ZBTB10: variants seen among roughly 807,000 people sequenced by gnomAD.
ZBTB10 encodes the protein zinc finger and BTB domain containing 10, also known as zinc finger and BTB domain-containing protein 10.
Under a neutral mutation model 76.4 loss-of-function variants are expected in ZBTB10, and 32 were observed. The observed-to-expected ratio is 0.42, with a 90% CI of 0.32 to 0.56. The LOEUF (loss-of-function observed/expected upper bound fraction) is 0.56, where lower values mean the gene tolerates loss of function less well. ZBTB10 is among the 20% of genes least tolerant of loss of function. The pLI is 0.14. For missense variants in ZBTB10, 1,057 were observed against 1,098.5 expected (o/e 0.96, Z 0.53); for synonymous variants, 523 against 432.9 (o/e 1.21, Z -2.58).
rs1335800021 is a variant in ZBTB10, at chr8:80,523,018, A to AT, written c.*3492dup. On this transcript the variant is annotated 3_prime_UTR_variant, in exon 6 of 6. Transcript: ENST00000455036. ...TTTAGATTCATTTTTCTGAAAAACG[A>AT]TTAAAAAAACTACCAATTTTTTTTT... The AT allele has an allele frequency of 4.0e-5, 6 of 151,894 alleles. No homozygotes were observed. The South Asian group carries it at 1.0e-3, about 26-fold the overall frequency. 9.4% of individuals were successfully genotyped at this position (151,894 alleles called of 1,614,324 possible). A position where few individuals can be genotyped will look rare whatever the true frequency, so the allele number is the denominator to read the frequency against.
In ZBTB10 at chr8:80,526,259, A is replaced by T. The variant is rs1210417648; in HGVS notation, c.*6731A>T. Reference sequence around the variant, plus strand: ...AATAATACATCAATAAAGGTATTTTAAAATGACCTAATGTTTTAGTTGCCA... The same window carrying T: ...AATAATACATCAATAAAGGTATTTTTAAATGACCTAATGTTTTAGTTGCCA... On this transcript the variant is annotated 3_prime_UTR_variant, in exon 6 of 6. Coordinates refer to ENST00000455036, the MANE Select transcript of ZBTB10 (RefSeq NM_001105539.3). 2 of 152,332 alleles carry T rather than the reference A, an allele frequency of 1.3e-5. No homozygotes were observed. Among genetic ancestry groups the T allele is most frequent in the East Asian group, 1.9e-4 (1 of 5,186 alleles). 9.4% of individuals were successfully genotyped at this position (152,332 alleles called of 1,614,324 possible). A position where few individuals can be genotyped will look rare whatever the true frequency, so the allele number is the denominator to read the frequency against.
intron 2 of ZBTB10, among the ~76,000 whole-genome samples, chr8:80,500,919 C>G (rs1013666512): frequency 2.6e-5 from 4 of 152,182 alleles, no homozygotes; most frequent in African/African-American, 9.7e-5. Context: ...GAGTCTCACT[C>G]TATAGCCCAG....
chr8:80,491,371 C>T (rs1391087078), intron 1 of ZBTB10, among the ~76,000 whole-genome samples: 1 of 152,164 alleles, frequency 6.6e-6, no homozygotes, highest in Non-Finnish European at 1.5e-5. Flanking sequence ...TTTGTGTACG[C>T]TAAGGCACAG....
rs929053660 is a variant in ZBTB10 at position 80,525,933 on chromosome 8, G to A, written c.*6405G>A. ...AGCATATGATACGTGGTGTCACACT[G>A]AGCCTTTGGGATCCTTTCCCTGGAT... On this transcript the variant is annotated 3_prime_UTR_variant, in exon 6 of 6. Transcript: ENST00000455036. 2 of 152,142 alleles carry A rather than the reference G, an allele frequency of 1.3e-5. No individual in the cohort carries two copies. The highest frequency in any genetic ancestry group is 4.8e-5 in the African/African-American group (2 of 41,438). 9.4% of individuals were successfully genotyped at this position (152,142 alleles called of 1,614,324 possible).
intron 1 of ZBTB10, among the ~76,000 whole-genome samples, chr8:80,491,396 C>T (rs1815627168): frequency 6.6e-6 from 1 of 152,194 alleles, no homozygotes; most frequent in Non-Finnish European, 1.5e-5. Flanking sequence ...AAAATCGATG[C>T]ATCTCTCAGA....
rs534777566 is a variant in ZBTB10, at chr8:80,486,843, G to A, written c.33G>A (p.Leu11=). ...TCAGTGAAATGAACCGCAGGACGCT[G>A]GCGTTCCGAGGAGGCGGGTTGGTCA... MSFSEMNRRT[L]AFRGGGLVTA... is the part of the protein sequence containing the mutation. The change falls in exon 1 of 6, where the codon CTG becomes CTA. Residue 11 remains leucine, a synonymous_variant. Transcript: ENST00000455036. 4.6e-6 allele frequency: 7 copies of A among 1,505,430 alleles called. No individual in the cohort carries two copies. The highest frequency in any genetic ancestry group is 4.4e-5 in the Admixed American group (2 of 45,294). 93.3% of individuals were successfully genotyped at this position (1,505,430 alleles called of 1,614,324 possible). A position where few individuals can be genotyped will look rare whatever the true frequency, so the allele number is the denominator to read the frequency against.
At position 80,487,755 on chromosome 8, in the gene ZBTB10, G is replaced by A. The variant is rs757924369; in HGVS notation, c.945G>A (p.Glu315=). ...TCCTGAGGCACCACGTCTCTACCGA[G>A]CACAAACTCCACGAAGCCAACGCCC... The part of the protein sequence containing the change: ...TLLLRHHVST[E]HKLHEANAQE... Residue 315 remains glutamate, a synonymous_variant, in exon 1 of 6, where the codon GAG becomes GAA. Coordinates refer to ENST00000455036, the MANE Select transcript of ZBTB10 (RefSeq NM_001105539.3). 1 of 1,604,714 alleles carries A rather than the reference G, an allele frequency of 6.2e-7. No homozygotes were observed. Among genetic ancestry groups the A allele is most frequent in the Non-Finnish European group, 8.5e-7 (1 of 1,175,620 alleles).
intron 3 of ZBTB10, among the ~76,000 whole-genome samples, chr8:80,516,141 C>G (rs993745209): frequency 1.4e-4 from 22 of 152,124 alleles, no homozygotes; most frequent in Admixed American, 5.2e-4. Context: ...CCAGGCTGGC[C>G]TGAATCTCAT....
chr8:80,487,461 A>G lies in ZBTB10; in HGVS notation c.651A>G (p.Glu217=). 6.5e-7 allele frequency: 1 copy of G among 1,548,678 alleles called. No individual in the cohort carries two copies. The highest frequency in any genetic ancestry group is 8.7e-7 in the Non-Finnish European group (1 of 1,144,712). ...GGTCGGGCGGCGATGGCGGGGACGAAGTGGAGGGCAGCGGTGTGGGAGCTG... is the reference window on the plus strand; with the variant it reads ...GGTCGGGCGGCGATGGCGGGGACGAGGTGGAGGGCAGCGGTGTGGGAGCTG... ...SRRSGGDGGD[E]VEGSGVGAGE... Residue 217 remains glutamate, a synonymous_variant, in exon 1 of 6, where the codon GAA becomes GAG. Coordinates refer to ENST00000455036, the MANE Select transcript of ZBTB10 (RefSeq NM_001105539.3).
Position 80,525,522 on chromosome 8 carries a change from A to G in ZBTB10, c.*5994A>G, listed in dbSNP as rs544685715. ...AGACAGTCTTCTTGGCGCAGGTCCT[A>G]ACAGTTGGTGAGATAATACATAAGA... On this transcript the variant is annotated 3_prime_UTR_variant, in exon 6 of 6. Transcript: ENST00000455036. 2.0e-5 allele frequency: 3 copies of G among 152,246 alleles called. No individual in the cohort carries two copies. The East Asian group carries it at 5.8e-4, about 29-fold the overall frequency. 9.4% of individuals were successfully genotyped at this position (152,246 alleles called of 1,614,324 possible).
chr8:80,493,542 C>T (rs1416807519), intron 1 of ZBTB10, among the ~76,000 whole-genome samples: 3 of 151,578 alleles, frequency 2.0e-5, no homozygotes, highest in Non-Finnish European at 2.9e-5. Context: ...ATAGGCCGGG[C>T]GCGGTGGCTC....
chr8:80,486,258 G>A lies in ZBTB10; in HGVS notation c.-553G>A, dbSNP rs1815445035. The stretch of plus-strand genomic sequence containing the variant: ...ATTCGACCTCCGCCAGGGCCTGGTC[G>A]GACGGAAACGCTCCGCCGGCTTTAT... On this transcript the variant is annotated 5_prime_UTR_variant, in exon 1 of 6. Transcript: ENST00000455036. 2.0e-6 allele frequency: 2 copies of A among 1,022,886 alleles called. No individual in the cohort carries two copies. Among genetic ancestry groups the A allele is most frequent in the African/African-American group, 3.5e-5 (2 of 57,838 alleles). 63.4% of individuals were successfully genotyped at this position (1,022,886 alleles called of 1,614,324 possible). A position where few individuals can be genotyped will look rare whatever the true frequency, so the allele number is the denominator to read the frequency against.
intron 2 of ZBTB10, among the ~76,000 whole-genome samples, chr8:80,506,906 A>G (rs958708317): frequency 6.7e-6 from 1 of 149,708 alleles, no homozygotes; most frequent in Non-Finnish European, 1.5e-5. Context: ...GTCAGAATTT[A>G]ATTTCATTTT....
At position 80,517,954 on chromosome 8, in the gene ZBTB10, C is replaced by G. The variant is rs546373456; in HGVS notation, c.1961-449C>G. Among the ~76,000 whole-genome samples, 14 of 137,498 alleles carry G rather than the reference C, an allele frequency of 1.0e-4. No homozygotes were observed. In the East Asian group the frequency reaches 3.3e-3, roughly 32 times the overall value. 90.2% of individuals were successfully genotyped at this position (137,498 alleles called of 152,430 possible). ...AGTGCAGTGGCGCAATCTTGAATCACTGCAACTCCCGGGCTCAAATGATCT... is the reference window on the plus strand; with the variant it reads ...AGTGCAGTGGCGCAATCTTGAATCAGTGCAACTCCCGGGCTCAAATGATCT... On this transcript the variant is annotated intron_variant, in intron 3 of 5. Coordinates refer to ENST00000455036, the MANE Select transcript of ZBTB10 (RefSeq NM_001105539.3).
intron 2 of ZBTB10, among the ~76,000 whole-genome samples, chr8:80,509,306 A>G (rs1030772693): frequency 3.3e-5 from 5 of 152,198 alleles, no homozygotes; most frequent in Non-Finnish European, 4.4e-5. Context: ...AGTTGAGTAG[A>G]TCTGAGTCTG....
At chr8:80,501,668 G>A (rs1815926466) in intron 2 of ZBTB10, among the ~76,000 whole-genome samples, 1 of 151,970 alleles carries the variant, frequency 6.6e-6, no homozygotes, top group South Asian at 2.1e-4. Context: ...TAGGAATTTT[G>A]TGTATGTATG....
intron 2 of ZBTB10, among the ~76,000 whole-genome samples, chr8:80,502,579 A>G (rs973111625): frequency 6.6e-5 from 10 of 152,182 alleles, no homozygotes; most frequent in African/African-American, 1.9e-4. Context: ...CCAGTTTGGT[A>G]TCCGAACCTT....
In ZBTB10 at chr8:80,486,383, G is replaced by A. The variant is rs1815449918; in HGVS notation, c.-428G>A. The A allele has an allele frequency of 2.0e-6, 2 of 990,820 alleles. No individual in the cohort carries two copies. The highest frequency in any genetic ancestry group is 2.4e-6 in the Non-Finnish European group (2 of 834,350). The allele number at this position is 990,820 out of a possible 1,614,324, so 61.4% of individuals were successfully genotyped here. ...GCGTCGGGACTCCTCGGCGCGCGGA[G>A]GAAGGATATCTGTGTGGAGGATCGG... is the stretch of plus-strand genomic sequence containing the variant. On this transcript the variant is annotated 5_prime_UTR_variant, in exon 1 of 6. Transcript: ENST00000455036.
rs377590575 is a variant in ZBTB10, at chr8:80,499,532, T to C, written c.1011T>C (p.Phe337=). ...CATCAGAGGAGGGGTACTGTGACTT[T>C]AATAGTAGGCCAAATGAGAACTCTT... ...EIPSEEGYCD[F]NSRPNENSYC... Residue 337 remains phenylalanine, a synonymous_variant, in exon 2 of 6, where the codon TTT becomes TTC. Transcript: ENST00000455036. 2.5e-6 allele frequency: 4 copies of C among 1,613,208 alleles called. No homozygotes were observed. Among genetic ancestry groups the C allele is most frequent in the Non-Finnish European group, 3.4e-6 (4 of 1,179,524 alleles).
Sources: allele counts gnomAD v4.1 joint callset (sites outside exome capture counted in the v4.1 genomes callset), GRCh38; gene constraint gnomAD v4.1.1; transcripts MANE v1.5; gene names NCBI Gene and HGNC (gene_info 2026-07-23, HGNC 2026-07-21).